RBFOX1: variants seen among roughly 807,000 people sequenced by gnomAD.
RBFOX1 encodes RNA binding fox-1 homolog 1, also known as RNA binding protein fox-1 homolog 1.
RBFOX1 carries 8 observed loss-of-function variants against 57.7 expected under a neutral mutation model. The observed-to-expected ratio is 0.14, with a 90% CI of 0.08 to 0.25. The LOEUF (loss-of-function observed/expected upper bound fraction) is 0.25, where lower values mean the gene tolerates loss of function less well. Among genes scored for constraint, RBFOX1 ranks in the 10% least tolerant of loss-of-function variants. RBFOX1 has a pLI of 1.00. For synonymous variants in RBFOX1, 326 were observed against 222.4 expected (o/e 1.47, Z -4.15); for missense variants, 611 against 548.5 (o/e 1.11, Z -1.14).
At chr16:7,397,700 C>T (rs1597406546) in intron 4 of RBFOX1, among the ~76,000 whole-genome samples, 2 of 152,122 alleles carry the variant, frequency 1.3e-5, no homozygotes, top group Admixed American at 6.6e-5. Flanking sequence ...AGACTGTCCT[C>T]GCCCTCTGGA....
intron 3 of RBFOX1, among the ~76,000 whole-genome samples, chr16:6,870,632 G>T (rs914001345): frequency 6.6e-6 from 1 of 152,120 alleles, no homozygotes; most frequent in Non-Finnish European, 1.5e-5. Flanking sequence ...TAATGTAGAT[G>T]AGCAGAAACA....
At chr16:6,166,605 G>T (rs1258357073) in intron 1 of RBFOX1, among the ~76,000 whole-genome samples, 1 of 152,062 alleles carries the variant, frequency 6.6e-6, no homozygotes, top group Non-Finnish European at 1.5e-5. Flanking sequence ...CACTGCCTTT[G>T]TTTTCAGGAA....
chr16:7,168,477 C>T (rs796775645), intron 4 of RBFOX1, among the ~76,000 whole-genome samples: 1 of 152,220 alleles, frequency 6.6e-6, no homozygotes, highest in South Asian at 2.1e-4. Context: ...AAAGAGGTGG[C>T]TATAGGAAAC....
intron 4 of RBFOX1, among the ~76,000 whole-genome samples, chr16:7,513,819 T>C (rs181951597): frequency 4.6e-4 from 70 of 152,308 alleles, no homozygotes; most frequent in African/African-American, 1.4e-3. Context: ...AGCCCACTTA[T>C]GCAGATTTAA....
intron 1 of RBFOX1, among the ~76,000 whole-genome samples, chr16:5,258,471 C>G (rs1282508621): frequency 1.3e-5 from 2 of 152,168 alleles, no homozygotes; most frequent in Non-Finnish European, 2.9e-5. Context: ...TTAATATCCT[C>G]TAAGATCGAG....
chr16:5,898,170 A>G (rs1313081192), intron 4 of RBFOX1, among the ~76,000 whole-genome samples: 1 of 152,166 alleles, frequency 6.6e-6, no homozygotes, highest in African/African-American at 2.4e-5. Context: ...TTATAAAACC[A>G]TCAGATCTTG....
At chr16:5,750,348 C>G (rs2053149518) in intron 3 of RBFOX1, among the ~76,000 whole-genome samples, 1 of 152,220 alleles carries the variant, frequency 6.6e-6, no homozygotes, top group South Asian at 2.1e-4. Context: ...TGTCCATTCT[C>G]AGATGTCAAA....
chr16:6,801,217 A>AAAAAAAAG (rs1555483273), intron 3 of RBFOX1, among the ~76,000 whole-genome samples: 1 of 145,294 alleles, frequency 6.9e-6, no homozygotes. Flanking sequence ...AAAAAAAAAA[A>AAAAAAAAG]GTAACGTTAC....
intron 1 of RBFOX1, among the ~76,000 whole-genome samples, chr16:5,418,484 C>T (rs1224453577): frequency 1.3e-5 from 2 of 152,096 alleles, no homozygotes; most frequent in Admixed American, 6.5e-5. Flanking sequence ...GGTTACAGGA[C>T]AGAGGGCAGG....
At chr16:6,157,071 A>G (rs778674766) in intron 1 of RBFOX1, among the ~76,000 whole-genome samples, 20 of 152,174 alleles carry the variant, frequency 1.3e-4, no homozygotes, top group Non-Finnish European at 2.5e-4. Context: ...CCTGGTCTCC[A>G]GTGATCCTCC....
intron 2 of RBFOX1, among the ~76,000 whole-genome samples, chr16:6,550,125 G>C (rs2096963134): frequency 6.6e-6 from 1 of 152,058 alleles, no homozygotes; most frequent in Non-Finnish European, 1.5e-5. Flanking sequence ...TCTGTTTGGA[G>C]TCCCTCTCCC....
In RBFOX1 at chr16:7,298,766, A is replaced by T. The variant is rs577573683; in HGVS notation, c.28-219381A>T. ...AAGAAAATCATAACGAAGAGAAAACATATTTACTATTGATCAAGTAGAAGT... is the reference window on the plus strand; with the variant it reads ...AAGAAAATCATAACGAAGAGAAAACTTATTTACTATTGATCAAGTAGAAGT... On this transcript the variant is annotated intron_variant, in intron 4 of 15. Transcript: ENST00000550418. 3.9e-4 allele frequency among the ~76,000 whole-genome samples: 60 copies of T among 152,358 alleles called. No individual in the cohort carries two copies. The South Asian group carries it at 0.012, about 31-fold the overall frequency.
At chr16:6,758,428 T>A (rs903654420) in intron 3 of RBFOX1, among the ~76,000 whole-genome samples, 1 of 152,166 alleles carries the variant, frequency 6.6e-6, no homozygotes, top group Non-Finnish European at 1.5e-5. Context: ...GTGCTAGAGT[T>A]GACAAATTAC....
chr16:6,840,679 C>T (rs1385218572), intron 3 of RBFOX1, among the ~76,000 whole-genome samples: 1 of 151,776 alleles, frequency 6.6e-6, no homozygotes, highest in Non-Finnish European at 1.5e-5. Context: ...ATGAGGTCAA[C>T]AGATCGAGAC....
At chr16:7,300,610 G>A (rs2096008650) in intron 4 of RBFOX1, among the ~76,000 whole-genome samples, 1 of 64,648 alleles carries the variant, frequency 1.5e-5, no homozygotes, top group Non-Finnish European at 3.3e-5. Context: ...AACTCTTATA[G>A]AAAGTATTTT....
At chr16:6,212,740 C>T (rs1399523890) in intron 1 of RBFOX1, among the ~76,000 whole-genome samples, 2 of 151,552 alleles carry the variant, frequency 1.3e-5, no homozygotes, top group Non-Finnish European at 2.9e-5. Context: ...AAAAAAAAAC[C>T]CACTAATATG....
intron 4 of RBFOX1, among the ~76,000 whole-genome samples, chr16:7,454,274 A>C (rs1598810216): frequency 1.3e-5 from 2 of 152,160 alleles, no homozygotes; most frequent in East Asian, 3.9e-4. Context: ...ATGTCTTCCC[A>C]GGAAGTCAAG....
At chr16:6,785,287 T>G (rs1029833711) in intron 3 of RBFOX1, among the ~76,000 whole-genome samples, 7 of 152,176 alleles carry the variant, frequency 4.6e-5, no homozygotes, top group African/African-American at 1.4e-4. Flanking sequence ...CTAAACACCA[T>G]GGATGGTGGG....
rs1444215560 is a variant in RBFOX1, at chr16:7,595,724, G to C, written c.561+83G>C. 7 of 1,135,514 alleles carry C rather than the reference G, an allele frequency of 6.2e-6. No individual in the cohort carries two copies. In the South Asian group the frequency reaches 7.9e-5, roughly 13 times the overall value. 70.3% of individuals were successfully genotyped at this position (1,135,514 alleles called of 1,614,324 possible). A position where few individuals can be genotyped will look rare whatever the true frequency, so the allele number is the denominator to read the frequency against. On this transcript the variant is annotated intron_variant, in intron 8 of 15. Coordinates refer to ENST00000550418, the MANE Select transcript of RBFOX1 (RefSeq NM_018723.4). ...ATTCGTTGTTCCAGATGCATCATTG[G>C]CGTCTTGTATGTGACCCTATTCCCC...
Sources: allele counts gnomAD v4.1 joint callset (sites outside exome capture counted in the v4.1 genomes callset), GRCh38; gene constraint gnomAD v4.1.1; transcripts MANE v1.5; gene names NCBI Gene and HGNC (gene_info 2026-07-23, HGNC 2026-07-21).